CREBZF: variants seen among roughly 807,000 people sequenced by gnomAD.
The protein encoded by CREBZF is CREB/ATF bZIP transcription factor.
In CREBZF, 8 loss-of-function variants were observed where a neutral mutation model predicts 21.1. The observed-to-expected ratio is 0.38, with a 90% CI of 0.22 to 0.68. CREBZF has a LOEUF of 0.68. CREBZF is among the 30% of genes least tolerant of loss of function. The pLI is 0.51. For missense variants in CREBZF, 518 were observed against 484.3 expected (o/e 1.07, Z -0.65); for synonymous variants, 270 against 223.3 (o/e 1.21, Z -1.86).
Position 85,662,680 on chromosome 11 carries a change from T to C in CREBZF, c.*1131A>G. 5.1e-6 allele frequency: 2 copies of C among 391,274 alleles called. No homozygotes were observed. Among genetic ancestry groups the C allele is most frequent in the South Asian group, 1.9e-4 (2 of 10,490 alleles). 24.2% of individuals were successfully genotyped at this position (391,274 alleles called of 1,614,324 possible). On this transcript the variant is annotated 3_prime_UTR_variant, in exon 1 of 1. Transcript: ENST00000527447. ...CTCAATTTAAAAAATTATTTTAAAA[T>C]AGGACAAATACTTTTGAAACACAGA...
Position 85,664,997 on chromosome 11 carries a change from G to A in CREBZF, c.-122C>T. 1.6e-6 allele frequency: 1 copy of A among 637,094 alleles called. No individual in the cohort carries two copies. Among genetic ancestry groups the A allele is most frequent in the Non-Finnish European group, 2.4e-6 (1 of 423,990 alleles). The allele number at this position is 637,094 out of a possible 1,614,324, so 39.5% of individuals were successfully genotyped here. On this transcript the variant is annotated 5_prime_UTR_variant, in exon 1 of 1. Coordinates refer to ENST00000527447, the MANE Select transcript of CREBZF (RefSeq NM_001039618.4). This position sits in a 1 kb window ranked among gnomAD's most constrained non-coding sequence, Gnocchi z 5.5. ...TGGCCGAAACGAAATGCAGGGAAAG[G>A]TCCGAGTCGCCTCCCGCCTCACTTG...
rs2082762333 is a variant in CREBZF, at chr11:85,663,852, A to G, written c.1024T>C (p.Ser342Pro). 3 of 1,606,954 alleles carry G rather than the reference A, an allele frequency of 1.9e-6. No individual in the cohort carries two copies. The highest frequency in any genetic ancestry group is 2.2e-5 in the South Asian group (2 of 90,906). The change falls in exon 1 of 1, where the codon TCG (serine) becomes CCG (proline). Residue 342 changes from serine (S) to proline (P), a missense_variant. Ser to Pro is a moderately conservative substitution (Grantham distance 74). Around this residue, in one of 3 missense-constraint regions of CREBZF, gnomAD observed 114 missense variants for 134.1 expected, o/e 0.85. Transcript: ENST00000527447. The stretch of plus-strand genomic sequence containing the variant: ...GACGACGCCTTCCGGGCGCACGCCG[A>G]GCAGAACTCCACCGACACCTTATCC... ...DKDKVSVEFCSACARKASSSL... is the reference protein window; with the variant it reads ...DKDKVSVEFCPACARKASSSL...
Position 85,660,609 on chromosome 11 carries a change from G to A in CREBZF, c.*3202C>T. On this transcript the variant is annotated 3_prime_UTR_variant, in exon 1 of 1. Transcript: ENST00000527447. Reference sequence around the variant, plus strand: ...CAGACACTGCTAAGCTGTTCAAAGAGAAGAGAGAGAGATTAATTTAGTGAT... The same window carrying A: ...CAGACACTGCTAAGCTGTTCAAAGAAAAGAGAGAGAGATTAATTTAGTGAT... The A allele has an allele frequency of 2.2e-6, 1 of 453,668 alleles. No homozygotes were observed. The highest frequency in any genetic ancestry group is 4.4e-6 in the Non-Finnish European group (1 of 225,800). The allele number at this position is 453,668 out of a possible 1,614,324, so 28.1% of individuals were successfully genotyped here. A position where few individuals can be genotyped will look rare whatever the true frequency, so the allele number is the denominator to read the frequency against.
In CREBZF at chr11:85,664,996, G is replaced by T; in HGVS notation, c.-121C>A. The T allele has an allele frequency of 1.6e-6, 1 of 637,002 alleles. No homozygotes were observed. Among genetic ancestry groups the T allele is most frequent in the Non-Finnish European group, 2.4e-6 (1 of 423,878 alleles). The allele number at this position is 637,002 out of a possible 1,614,324, so 39.5% of individuals were successfully genotyped here. On this transcript the variant is annotated 5_prime_UTR_variant, in exon 1 of 1. Coordinates refer to ENST00000527447, the MANE Select transcript of CREBZF (RefSeq NM_001039618.4). The surrounding 1 kb of genome is among the most constrained non-coding windows in gnomAD (Gnocchi z 5.5). The stretch of plus-strand genomic sequence containing the variant: ...CTGGCCGAAACGAAATGCAGGGAAA[G>T]GTCCGAGTCGCCTCCCGCCTCACTT...
chr11:85,675,679 G>C (rs1476459944), intron 1 of CREBZF, among the ~76,000 whole-genome samples: 1 of 152,130 alleles, frequency 6.6e-6, no homozygotes, highest in Non-Finnish European at 1.5e-5. Context: ...ACTTATGGTT[G>C]CCACAAACCT....
chr11:85,670,364 C>T (rs570477427), intron 1 of CREBZF, among the ~76,000 whole-genome samples: 202 of 115,696 alleles, frequency 1.7e-3, no homozygotes, highest in Middle Eastern at 0.017. Context: ...AGTGCAGTGG[C>T]GCAATCTCTG....
rs553823489 is a variant in CREBZF at position 85,658,466 on chromosome 11, A to G, written c.*5345T>C. On this transcript the variant is annotated 3_prime_UTR_variant, in exon 1 of 1. Transcript: ENST00000527447. ...AATAAATCATGTTAAGTCTGTTGCT[A>G]CAAATTTACTTTGCCAAAATTTTTG... Among the ~76,000 whole-genome samples, 3 of 152,190 alleles carry G rather than the reference A, an allele frequency of 2.0e-5. No individual in the cohort carries two copies. The highest frequency in any genetic ancestry group is 1.3e-4 in the Admixed American group (2 of 15,296).
rs967217262 is a variant in CREBZF, at chr11:85,662,144, T to G, written c.*1667A>C. 6.7e-6 allele frequency: 3 copies of G among 447,958 alleles called. No individual in the cohort carries two copies. The highest frequency in any genetic ancestry group is 2.0e-5 in the African/African-American group (1 of 50,682). 27.7% of individuals were successfully genotyped at this position (447,958 alleles called of 1,614,324 possible). On this transcript the variant is annotated 3_prime_UTR_variant, in exon 1 of 1. Coordinates refer to ENST00000527447, the MANE Select transcript of CREBZF (RefSeq NM_001039618.4). The stretch of plus-strand genomic sequence containing the variant: ...TAGTAGATGATTTTACAAAATATGC[T>G]GTGATGCACTGGAAACCAAAGACCA...
chr11:85,671,697 G>T (rs2153328963), intron 1 of CREBZF, among the ~76,000 whole-genome samples: 1 of 152,306 alleles, frequency 6.6e-6, no homozygotes, highest in Middle Eastern at 3.4e-3. Context: ...GATCTCCTTT[G>T]ACTCCATGTC....
upstream of CREBZF, among the ~76,000 whole-genome samples, chr11:85,668,729 G>A (rs1591487819): frequency 1.3e-5 from 2 of 151,952 alleles, no homozygotes; most frequent in Admixed American, 6.6e-5. Context: ...GCGGCCGGGC[G>A]CGGTGGCTCA....
At position 85,664,583 on chromosome 11, in the gene CREBZF, T is replaced by A. The variant is rs1221970143; in HGVS notation, c.293A>T (p.Asp98Val). 5 of 1,613,744 alleles carry A rather than the reference T, an allele frequency of 3.1e-6. No homozygotes were observed. The highest frequency in any genetic ancestry group is 4.2e-6 in the Non-Finnish European group (5 of 1,179,924). Residue 98 changes from aspartate to valine, a missense_variant, in exon 1 of 1, where the codon GAT (aspartate) becomes GTT (valine). Transcript: ENST00000527447. The surrounding 1 kb of genome is among the most constrained non-coding windows in gnomAD (Gnocchi z 5.5). ...TTCCAGCCCAGACAGAAAGTCCATA[T>A]CCTCCGTCTCTTCCCCCGGGAGGCT... ...IASLPGEETE[D>V]MDFLSGLELA...
rs1353505396 is a variant in CREBZF, at chr11:85,663,045, C to T, written c.*766G>A. The T allele has an allele frequency of 6.1e-6, 1 of 164,624 alleles. No homozygotes were observed. The highest frequency in any genetic ancestry group is 1.3e-5 in the Non-Finnish European group (1 of 74,906). 10.2% of individuals were successfully genotyped at this position (164,624 alleles called of 1,614,324 possible). ...GGCATTGTTGATATTTAAGAGATACCTGTCACCTCCAGCAAAATAACTATC... is the reference window on the plus strand; with the variant it reads ...GGCATTGTTGATATTTAAGAGATACTTGTCACCTCCAGCAAAATAACTATC... On this transcript the variant is annotated 3_prime_UTR_variant, in exon 1 of 1. Coordinates refer to ENST00000527447, the MANE Select transcript of CREBZF (RefSeq NM_001039618.4).
chr11:85,673,090 G>T (rs1362657787), intron 1 of CREBZF, among the ~76,000 whole-genome samples: 2 of 152,152 alleles, frequency 1.3e-5, no homozygotes, highest in African/African-American at 2.4e-5. Context: ...TGTTTCTTTT[G>T]TTTCAGCTTT....
At chr11:85,670,269 A>C (rs1265782871) in intron 1 of CREBZF, among the ~76,000 whole-genome samples, 1 of 63,486 alleles carries the variant, frequency 1.6e-5, no homozygotes, top group Non-Finnish European at 3.0e-5. Flanking sequence ...TAACACTTTA[A>C]TCCCCCCCCC....
rs2082639688 is a variant in CREBZF, at chr11:85,660,373, GTATCTC to G, written c.*3432_*3437del. The G allele has an allele frequency of 4.4e-6, 1 of 229,204 alleles. No homozygotes were observed. Among genetic ancestry groups the G allele is most frequent in the African/African-American group, 2.4e-5 (1 of 42,374 alleles). 14.2% of individuals were successfully genotyped at this position (229,204 alleles called of 1,614,324 possible). ...TGTTCCAAGATTAACTTAGTCTCAT[GTATCTC>G]TATTAAGTCTTTCAAGGATTCCAGA... On this transcript the variant is annotated 3_prime_UTR_variant, in exon 1 of 1. Coordinates refer to ENST00000527447, the MANE Select transcript of CREBZF (RefSeq NM_001039618.4).
upstream of CREBZF, among the ~76,000 whole-genome samples, chr11:85,667,801 T>C (rs923197831): frequency 1.8e-4 from 27 of 152,066 alleles, no homozygotes; most frequent in African/African-American, 6.5e-4. Context: ...CTATTAAAAA[T>C]ACAAAAAATT....
exon 1 of CREBZF, chr11:85,682,739 C>T (rs1299842627): frequency 1.4e-6 from 1 of 698,628 alleles, no homozygotes; most frequent in Non-Finnish European, 2.6e-6. Context: ...CAGCCCGCTT[C>T]CAGAACCGTC....
chr11:85,668,350 T>C (rs1018324890), upstream of CREBZF, among the ~76,000 whole-genome samples: 2 of 152,264 alleles, frequency 1.3e-5, no homozygotes, highest in Admixed American at 1.3e-4. Context: ...CTAGTTTTTA[T>C]GCAAACTTTG....
chr11:85,681,937 T>A (rs2082978620), intron 1 of CREBZF, among the ~76,000 whole-genome samples: 1 of 152,206 alleles, frequency 6.6e-6, no homozygotes, highest in Admixed American at 6.5e-5. Context: ...AAACAATGCC[T>A]TTTTAAGGCT....
Sources: gnomAD v4.1 joint callset for allele counts (sites outside exome capture counted in the v4.1 genomes callset) on GRCh38, gnomAD v4.1.1 for gene constraint, gnomAD v4.1.1 regional missense constraint, Gnocchi (gnomAD v3.1) non-coding constraint, MANE v1.5 for transcripts, NCBI Gene and HGNC (gene_info 2026-07-23, HGNC 2026-07-21) for gene names.